The following IL16 variants were observed in gnomAD, a reference collection of about 807,000 sequenced individuals.
The protein encoded by IL16 is interleukin 16, also known as pro-interleukin-16.
IL16 carries 67 observed loss-of-function variants against 110.1 expected under a neutral mutation model. The ratio of observed to expected loss-of-function variants is 0.61; its 90% CI spans 0.50 to 0.75. The LOEUF is 0.75. Among genes scored for constraint, IL16 ranks in the 30% least tolerant of loss-of-function variants. The pLI, the probability that IL16 is intolerant of heterozygous loss-of-function variation, is 0.00. For synonymous variants in IL16, 689 were observed against 662.9 expected (o/e 1.04, Z -0.61); for missense variants, 1,545 against 1,655.0 (o/e 0.93, Z 1.15).
At chr15:81,194,448 A>G (rs1895548599), upstream of IL16, among the ~76,000 whole-genome samples, 1 of 151,462 alleles carries the variant, frequency 6.6e-6, no homozygotes, top group Non-Finnish European at 1.5e-5. Context: ...TTAAATTTAA[A>G]TTTGTAATTG....
chr15:81,267,505 C>CACAG (rs1555420217), intron 4 of IL16, among the ~76,000 whole-genome samples: 4,870 of 136,284 alleles, frequency 0.036, 178 homozygotes, highest in African/African-American at 0.13. Flanking sequence ...CACACACACA[C>CACAG]AGAGAGAGCG....
chr15:81,266,080 C>T (rs1351170326), intron 4 of IL16, among the ~76,000 whole-genome samples: 1 of 152,210 alleles, frequency 6.6e-6, no homozygotes, highest in Non-Finnish European at 1.5e-5. Context: ...ACACGGCACG[C>T]GGGGGGACCC....
At chr15:81,207,451 G>A (rs1301057632) in intron 1 of IL16, among the ~76,000 whole-genome samples, 2 of 151,800 alleles carry the variant, frequency 1.3e-5, no homozygotes, top group Non-Finnish European at 2.9e-5. Context: ...TTTGTTACAT[G>A]GGTATATTAC....
In IL16 at chr15:81,303,015, A is replaced by ATGTGTGTGTGTG. The variant is rs34522610; in HGVS notation, c.3319-516_3319-505dup. On this transcript the variant is annotated intron_variant, in intron 15 of 18. Coordinates refer to ENST00000683961, the MANE Select transcript of IL16 (RefSeq NM_172217.5). The surrounding 1 kb of genome is among the most constrained non-coding windows in gnomAD (Gnocchi z 4.1). ...GTCTAGGCTAGGAAGTACCGTAGTAATGTGTGTGTGTGTGTGTGTGTGTGT... is the reference window on the plus strand; with the variant it reads ...GTCTAGGCTAGGAAGTACCGTAGTAATGTGTGTGTGTGTGTGTGTGTGTGTGTGTGTGTGTGT... Among the ~76,000 whole-genome samples, 608 of 150,138 alleles carry ATGTGTGTGTGTG rather than the reference A, an allele frequency of 4.0e-3. 4 individuals carry two copies. Among genetic ancestry groups the ATGTGTGTGTGTG allele is most frequent in the African/African-American group, 0.012 (498 of 40,674 alleles).
chr15:81,284,302 C>A (rs956233149), intron 9 of IL16, among the ~76,000 whole-genome samples: 1 of 152,144 alleles, frequency 6.6e-6, no homozygotes, highest in Non-Finnish European at 1.5e-5. Context: ...TAAAGGGTTT[C>A]CTACAATTGC....
chr15:81,269,293 TAGTG>T (rs1898526787), intron 4 of IL16, among the ~76,000 whole-genome samples: 1 of 152,186 alleles, frequency 6.6e-6, no homozygotes, highest in Non-Finnish European at 1.5e-5. Context: ...TGATAAACCT[TAGTG>T]AGCCTTTTGG....
At chr15:81,306,286 A>T in intron 17 of IL16, 120 bp downstream of exon 17, 1 of 1,521,814 alleles carries the variant, frequency 6.6e-7, no homozygotes, top group Non-Finnish European at 8.9e-7. Context: ...TGCCTAGTAC[A>T]CTGCCTGAGA....
intron 2 of IL16, among the ~76,000 whole-genome samples, chr15:81,257,573 G>C (rs1274426103): frequency 6.6e-6 from 1 of 152,150 alleles, no homozygotes; most frequent in Non-Finnish European, 1.5e-5. Context: ...AGGGAATGAG[G>C]GATTCCAGCA....
intron 1 of IL16, among the ~76,000 whole-genome samples, chr15:81,184,641 T>C (rs924714911): frequency 1.3e-5 from 2 of 152,212 alleles, no homozygotes; most frequent in African/African-American, 4.8e-5. Flanking sequence ...GAGGAGCTTA[T>C]CCGGGCGATG....
chr15:81,229,801 AC>A (rs1896910266), intron 2 of IL16, among the ~76,000 whole-genome samples: 1 of 152,090 alleles, frequency 6.6e-6, no homozygotes, highest in South Asian at 2.1e-4. Flanking sequence ...GTGGCCCTGC[AC>A]CCAGGCGTGA....
chr15:81,265,933 G>A (rs1478506706), intron 4 of IL16, 132 bp downstream of exon 4: 1 of 796,656 alleles, frequency 1.3e-6, no homozygotes, highest in Non-Finnish European at 1.9e-6. Context: ...AGAGGGTCTC[G>A]CTTAGTAGCT....
Position 81,285,618 on chromosome 15 carries a change from G to A in IL16, c.1200-80G>A, listed in dbSNP as rs568014734. On this transcript the variant is annotated intron_variant, in intron 9 of 18. Coordinates refer to ENST00000683961, the MANE Select transcript of IL16 (RefSeq NM_172217.5). ...TATATCTCATCAAACAGCCCAGCCA[G>A]GAGTGGGCCCCTGGGGCAGTGACTG... 5.9e-5 allele frequency: 87 copies of A among 1,484,622 alleles called. No homozygotes were observed. The African/African-American group carries it at 1.1e-3, about 20-fold the overall frequency. The allele number at this position is 1,484,622 out of a possible 1,614,324, so 92.0% of individuals were successfully genotyped here. A position where few individuals can be genotyped will look rare whatever the true frequency, so the allele number is the denominator to read the frequency against.
intron 10 of IL16, 77 bp from the exon 11 acceptor site, chr15:81,290,376 T>G: frequency 1.1e-6 from 1 of 936,848 alleles, no homozygotes; most frequent in Non-Finnish European, 1.6e-6. Context: ...TGGCCCAGCT[T>G]TGGAGCTGGT....
intron 1 of IL16, among the ~76,000 whole-genome samples, chr15:81,199,027 AAAAAT>A (rs1286149312): frequency 5.1e-5 from 5 of 97,520 alleles, no homozygotes; most frequent in African/African-American, 3.0e-4. Context: ...CTCAAAAAAA[AAAAAT>A]ATATATATAT....
intron 1 of IL16, among the ~76,000 whole-genome samples, chr15:81,208,706 A>G (rs548624088): frequency 1.6e-4 from 24 of 152,342 alleles, no homozygotes; most frequent in African/African-American, 5.5e-4. Flanking sequence ...GGAGGAAGGT[A>G]GTAGAATATG....
chr15:81,216,528 GTCTC>G (rs150295345), intron 1 of IL16, among the ~76,000 whole-genome samples: 100 of 152,146 alleles, frequency 6.6e-4, no homozygotes, highest in African/African-American at 2.3e-3. Context: ...TGATAGTTTG[GTCTC>G]TCTCAGTGGG....
In IL16 at chr15:81,273,186, G is replaced by A. The variant is rs188062582; in HGVS notation, c.772G>A (p.Asp258Asn). 3.7e-5 allele frequency: 60 copies of A among 1,611,986 alleles called. 1 individual carries two copies. The highest frequency in any genetic ancestry group is 8.4e-5 in the Admixed American group (5 of 59,866). The change falls in exon 6 of 19, where the codon GAT becomes AAT. Residue 258 changes from aspartate to asparagine, a missense_variant. Asp to Asn is a conservative substitution (Grantham distance 23). Coordinates refer to ENST00000683961, the MANE Select transcript of IL16 (RefSeq NM_172217.5). Reference sequence around the variant, plus strand: ...TTTTGCAGGGGGAGCAGCAGCAGCCGATGGAAGGCTACAGGAAGGTAGGCT... The same window carrying A: ...TTTTGCAGGGGGAGCAGCAGCAGCCAATGGAAGGCTACAGGAAGGTAGGCT... Reference protein sequence around the residue: ...TIFAGGAAAADGRLQEGDEIL... With the variant: ...TIFAGGAAAANGRLQEGDEIL...
intron 2 of IL16, among the ~76,000 whole-genome samples, chr15:81,253,738 C>T (rs1897849437): frequency 6.6e-6 from 1 of 151,880 alleles, no homozygotes; most frequent in African/African-American, 2.4e-5. Flanking sequence ...TTTTCTATAC[C>T]CCCTAGGGCA....
intron 1 of IL16, among the ~76,000 whole-genome samples, chr15:81,199,656 G>A (rs887150247): frequency 6.6e-6 from 1 of 152,082 alleles, no homozygotes; most frequent in African/African-American, 2.4e-5. Flanking sequence ...AATAGGAGGC[G>A]GTCACCTACA....
Sources: gnomAD v4.1 joint callset for allele counts (sites outside exome capture counted in the v4.1 genomes callset) on GRCh38, gnomAD v4.1.1 for gene constraint, Gnocchi (gnomAD v3.1) non-coding constraint, MANE v1.5 for transcripts, NCBI Gene and HGNC (gene_info 2026-07-23, HGNC 2026-07-21) for gene names.